The following JMJD1C variants were observed in gnomAD, a reference collection of about 807,000 sequenced individuals.
JMJD1C encodes jumonji domain containing 1C.
Under a neutral mutation model 245.3 loss-of-function variants are expected in JMJD1C, and 31 were observed. That is an observed-to-expected ratio of 0.13 (90% CI 0.09 to 0.17). The LOEUF is 0.17. JMJD1C is among the 10% of genes least tolerant of loss of function. JMJD1C has a pLI of 1.00. For synonymous variants in JMJD1C, 1,057 were observed against 1,017.4 expected (o/e 1.04, Z -0.74); for missense variants, 2,691 against 3,000.2 (o/e 0.90, Z 2.41).
In JMJD1C at chr10:63,511,732, T is replaced by C. The variant is rs570071301; in HGVS notation, n.113+10006A>G. On this transcript the variant is annotated intron_variant and non_coding_transcript_variant, in intron 1 of 3. Transcript: ENST00000633035. ...ACTCCATCTCAAAAAAAAAAAAATA[T>C]ATACAGTATTTGTGGGATGTGAAAA... Among the ~76,000 whole-genome samples the C allele has an allele frequency of 5.9e-5, 9 of 151,826 alleles. No individual in the cohort carries two copies. In the South Asian group the frequency reaches 1.7e-3, roughly 28 times the overall value.
intron 2 of JMJD1C, among the ~76,000 whole-genome samples, chr10:63,313,108 T>C (rs1939452943): frequency 6.6e-6 from 1 of 152,022 alleles, no homozygotes; most frequent in Non-Finnish European, 1.5e-5. Context: ...ACCCACCATT[T>C]CCCCCGCAAG....
intron 2 of JMJD1C, among the ~76,000 whole-genome samples, chr10:63,271,890 C>A (rs1259139197): frequency 6.6e-6 from 1 of 151,998 alleles, no homozygotes; most frequent in Non-Finnish European, 1.5e-5. Context: ...GCCTGGCCAT[C>A]ATGGCAAACC....
At chr10:63,325,725 ATAAC>A (rs1390382186) in intron 2 of JMJD1C, among the ~76,000 whole-genome samples, 1 of 152,192 alleles carries the variant, frequency 6.6e-6, no homozygotes, top group Non-Finnish European at 1.5e-5. Context: ...AACTTATAAT[ATAAC>A]TGATAAACAG....
intron 1 of JMJD1C, among the ~76,000 whole-genome samples, chr10:63,476,566 T>C (rs1346997320): frequency 6.6e-6 from 1 of 151,666 alleles, no homozygotes; most frequent in Non-Finnish European, 1.5e-5. Context: ...CCACAAAAAA[T>C]TTTTAAAAAT....
rs1847830981 is a variant in JMJD1C at position 63,215,139 on chromosome 10, C to T, written c.1028G>A (p.Gly343Asp). 1.3e-6 allele frequency: 2 copies of T among 1,550,814 alleles called. No homozygotes were observed. Among genetic ancestry groups the T allele is most frequent in the African/African-American group, 1.4e-5 (1 of 71,962 alleles). Residue 343 changes from glycine to aspartate, a missense_variant, in exon 8 of 26, where the codon GGT becomes GAT. By Grantham distance (94) the Gly-to-Asp change is moderately conservative (BLOSUM62 -1). Around this residue, in one of 9 missense-constraint regions of JMJD1C, gnomAD observed 1,562 missense variants for 1,490.7 expected, o/e 1.05. Transcript: ENST00000399262. ...DYISRGENPK[G>D]KNKHLMNKRR... ...TTTATTCATCAAGTGTTTGTTTTTA[C>T]CTTTAGGATTTTCTGTAGGATTAAA...
chr10:63,472,309 T>TC (rs1221147586), intron 1 of JMJD1C, among the ~76,000 whole-genome samples: 1 of 152,042 alleles, frequency 6.6e-6, no homozygotes. Context: ...GATGCTTCTT[T>TC]CCCCCACTTG....
intron 1 of JMJD1C, among the ~76,000 whole-genome samples, chr10:63,484,287 G>C (rs753591904): frequency 1.5e-4 from 22 of 151,212 alleles, no homozygotes; most frequent in Non-Finnish European, 2.9e-4. Context: ...AGATAGATAA[G>C]ACAGACAGAT....
At position 63,206,848 on chromosome 10, in the gene JMJD1C, A is replaced by G. The variant is rs577263592; in HGVS notation, c.4821T>C (p.Tyr1607=). The G allele has an allele frequency of 1.5e-4, 239 of 1,601,088 alleles. 2 individuals carry two copies. The East Asian group carries it at 5.2e-3, about 35-fold the overall frequency. Residue 1607 remains tyrosine, a synonymous_variant, in exon 10 of 26, where the codon TAT becomes TAC. Coordinates refer to ENST00000399262, the MANE Select transcript of JMJD1C (RefSeq NM_032776.3). ...TCCTGTTGACTTTATCATCTTTTAC[A>G]TATTTATCAACTATGATCTTACTAT... ...SVDSKIIVDK[Y]VKDDKVNRRK...
chr10:63,176,214 A>C, intron 24 of JMJD1C, 83 bp downstream of exon 24: 1 of 879,248 alleles, frequency 1.1e-6, no homozygotes, highest in Non-Finnish European at 1.7e-6. Context: ...TCTTCCATTT[A>C]TATCTATACT....
chr10:63,209,713 G>T (rs1222299133), intron 8 of JMJD1C, among the ~76,000 whole-genome samples: 4 of 152,120 alleles, frequency 2.6e-5, no homozygotes, highest in Non-Finnish European at 5.9e-5. Context: ...ACAATTGGCA[G>T]ATAATTACAT....
chr10:63,181,939 T>G (rs1843539345), intron 22 of JMJD1C, among the ~76,000 whole-genome samples: 1 of 152,204 alleles, frequency 6.6e-6, no homozygotes, highest in Non-Finnish European at 1.5e-5. Context: ...CTCAAATCTC[T>G]GGGGGATAGG....
chr10:63,298,855 C>T (rs1859742583), intron 2 of JMJD1C, among the ~76,000 whole-genome samples: 2 of 152,028 alleles, frequency 1.3e-5, no homozygotes, highest in Admixed American at 6.5e-5. Flanking sequence ...GCCTCAGCCT[C>T]CCGAATAGCT....
intron 1 of JMJD1C, among the ~76,000 whole-genome samples, chr10:63,388,401 G>A (rs1310101903): frequency 1.3e-5 from 2 of 149,002 alleles, no homozygotes; most frequent in East Asian, 3.9e-4. Context: ...CTTCATAAAT[G>A]ATGGGGAAAT....
chr10:63,227,968 T>C (rs1011406232), intron 3 of JMJD1C, among the ~76,000 whole-genome samples: 2 of 152,212 alleles, frequency 1.3e-5, no homozygotes, highest in Non-Finnish European at 2.9e-5. Context: ...AAGGATTTGC[T>C]GGGACAAGAA....
At chr10:63,493,249 C>CTTTTTTTTTTTTTTTTTTTT (rs752941477) in intron 1 of JMJD1C, among the ~76,000 whole-genome samples, 2 of 49,136 alleles carry the variant, frequency 4.1e-5, no homozygotes, top group African/African-American at 8.6e-5. Context: ...ACTGTTATTT[C>CTTTTTTTTTTTTTTTTTTTT]TTTTTTTTTT....
At chr10:63,406,607 T>C (rs1741031989) in intron 1 of JMJD1C, among the ~76,000 whole-genome samples, 1 of 85,008 alleles carries the variant, frequency 1.2e-5, no homozygotes, top group Non-Finnish European at 3.8e-5. Flanking sequence ...TTAGGTAGGC[T>C]AGTATAACTA....
chr10:63,254,359 G>A (rs1474010156), intron 3 of JMJD1C, among the ~76,000 whole-genome samples: 1 of 152,088 alleles, frequency 6.6e-6, no homozygotes, highest in East Asian at 1.9e-4. Context: ...AAATCTAGGT[G>A]AAATTGTACA....
upstream of JMJD1C, among the ~76,000 whole-genome samples, chr10:63,469,113 G>A (rs890257871): frequency 6.6e-6 from 1 of 152,136 alleles, no homozygotes; most frequent in Admixed American, 6.5e-5. Context: ...TTCACTTTTT[G>A]ACTTGGTATG....
chr10:63,357,178 T>C (rs112549479), intron 2 of JMJD1C, among the ~76,000 whole-genome samples: 5,604 of 152,150 alleles, frequency 0.037, 328 homozygotes, highest in East Asian at 0.29. Context: ...GGACTATAGA[T>C]GCGTGCCACC....
Sources: allele counts gnomAD v4.1 joint callset (sites outside exome capture counted in the v4.1 genomes callset), GRCh38; gene constraint gnomAD v4.1.1; regional missense constraint gnomAD v4.1.1; transcripts MANE v1.5; gene names NCBI Gene and HGNC (gene_info 2026-07-23, HGNC 2026-07-21).